The following BBS9 variants were observed in gnomAD, a reference collection of about 807,000 sequenced individuals.
BBS9 encodes Bardet-Biedl syndrome 9, also known as protein PTHB1.
BBS9 carries 89 observed loss-of-function variants against 117.7 expected under a neutral mutation model. The ratio of observed to expected loss-of-function variants is 0.76; its 90% CI spans 0.64 to 0.90. The LOEUF (loss-of-function observed/expected upper bound fraction) is 0.90, where lower values mean the gene tolerates loss of function less well. Ranked by LOEUF, BBS9 falls within the 40% of genes least tolerant of loss-of-function variation. BBS9 has a pLI of 0.00. For synonymous variants in BBS9, 379 were observed against 370.9 expected (o/e 1.02, Z -0.25); for missense variants, 982 against 1,042.2 (o/e 0.94, Z 0.80).
At chr7:33,157,019 G>A (rs905307742) in intron 4 of BBS9, among the ~76,000 whole-genome samples, 2 of 151,954 alleles carry the variant, frequency 1.3e-5, no homozygotes, top group African/African-American at 4.8e-5. Flanking sequence ...AAGCCATGGA[G>A]GAGAATTTGC....
At chr7:33,321,834 TATG>T (rs1456403060) in intron 9 of BBS9, among the ~76,000 whole-genome samples, 2 of 152,152 alleles carry the variant, frequency 1.3e-5, no homozygotes, top group Admixed American at 6.5e-5. Context: ...TCCCATTCAG[TATG>T]ATATTAGCTA....
intron 9 of BBS9, among the ~76,000 whole-genome samples, chr7:33,302,181 C>T (rs1346844385): frequency 1.3e-5 from 2 of 152,022 alleles, no homozygotes; most frequent in Non-Finnish European, 2.9e-5. Context: ...GTTTTAATCC[C>T]TTGTCAGAAG....
rs536029950 is a variant in BBS9 at position 33,281,223 on chromosome 7, G to GT, written c.1016+7275dup. Among the ~76,000 whole-genome samples the GT allele has an allele frequency of 1.9e-4, 28 of 150,642 alleles. 1 individual carries two copies. In the East Asian group the frequency reaches 2.7e-3, roughly 15 times the overall value. Reference sequence around the variant, plus strand: ...TAGTCAGCTTATATTCCTGATAGCTGTTTTTTTTGGTGAGTTAAAAAAATT... The same window carrying GT: ...TAGTCAGCTTATATTCCTGATAGCTGTTTTTTTTTGGTGAGTTAAAAAAATT... On this transcript the variant is annotated intron_variant, in intron 9 of 22. Transcript: ENST00000242067.
intron 21 of BBS9, among the ~76,000 whole-genome samples, chr7:33,616,720 T>C (rs1865158441): frequency 6.6e-6 from 1 of 151,848 alleles, no homozygotes; most frequent in Admixed American, 6.6e-5. Flanking sequence ...GTCTTTTCTT[T>C]TTATAGATTT....
At chr7:33,513,696 C>T (rs1847305602) in intron 20 of BBS9, among the ~76,000 whole-genome samples, 1 of 152,130 alleles carries the variant, frequency 6.6e-6, no homozygotes, top group African/African-American at 2.4e-5. Flanking sequence ...AGTCAAACCA[C>T]CATAAATAAA....
chr7:33,189,883 TAAAAAAAA>T (rs372582478), intron 5 of BBS9, among the ~76,000 whole-genome samples: 25 of 127,158 alleles, frequency 2.0e-4, no homozygotes, highest in Non-Finnish European at 3.6e-4. Flanking sequence ...GACTCTGTCT[TAAAAAAAA>T]AAAAAAAAAA....
intron 4 of BBS9, among the ~76,000 whole-genome samples, chr7:33,171,618 A>G (rs1796589213): frequency 6.6e-6 from 1 of 152,128 alleles, no homozygotes; most frequent in South Asian, 2.1e-4. Flanking sequence ...TTTTCTTCAA[A>G]TTATTGTTTT....
At position 33,446,826 on chromosome 7, in the gene BBS9, C is replaced by T. The variant is rs942985276; in HGVS notation, c.2116-58637C>T. On this transcript the variant is annotated intron_variant, in intron 19 of 22. Transcript: ENST00000242067. ...GTCTGAAGCACACCAATCCCCAATT[C>T]GATTCTGATGTTGAGCACTTCAGAG... is the stretch of plus-strand genomic sequence containing the variant. Among the ~76,000 whole-genome samples, 5 of 152,086 alleles carry T rather than the reference C, an allele frequency of 3.3e-5. No homozygotes were observed. The East Asian group carries it at 5.8e-4, about 18-fold the overall frequency.
At chr7:33,498,225 T>C (rs1173860935) in intron 19 of BBS9, among the ~76,000 whole-genome samples, 4 of 152,218 alleles carry the variant, frequency 2.6e-5, no homozygotes, top group Non-Finnish European at 5.9e-5. Flanking sequence ...CAATATGATA[T>C]GGCCATTAAT....
At chr7:33,271,779 T>C (rs1401844765) in intron 7 of BBS9, among the ~76,000 whole-genome samples, 2 of 152,172 alleles carry the variant, frequency 1.3e-5, no homozygotes, top group Non-Finnish European at 2.9e-5. Context: ...AACACCCCAC[T>C]GACCCTATGA....
chr7:33,583,782 C>T lies in BBS9; in HGVS notation c.2522-21083C>T, dbSNP rs1252636513. ...TTTGGTTGAGTTTGTATCATAGCTT[C>T]GCACTAACTAGCTGTGTGACCTTGG... On this transcript the variant is annotated intron_variant, in intron 21 of 22. Transcript: ENST00000242067. 2.0e-5 allele frequency among the ~76,000 whole-genome samples: 3 copies of T among 152,046 alleles called. 1 individual carries two copies. The highest frequency in any genetic ancestry group is 4.2e-4 in the South Asian group (2 of 4,816).
At chr7:33,596,182 GT>G (rs1469151642) in intron 21 of BBS9, among the ~76,000 whole-genome samples, 1 of 143,644 alleles carries the variant, frequency 7.0e-6, no homozygotes, top group Admixed American at 7.0e-5. Flanking sequence ...GGAACTTAAA[GT>G]AAAATAAAAA....
intron 21 of BBS9, among the ~76,000 whole-genome samples, chr7:33,559,611 C>T (rs566611045): frequency 5.9e-5 from 9 of 152,218 alleles, no homozygotes; most frequent in East Asian, 3.9e-4. Flanking sequence ...AACCACTATC[C>T]GTGTACTGAA....
At chr7:33,597,735 A>T (rs773756754) in intron 21 of BBS9, among the ~76,000 whole-genome samples, 1 of 152,064 alleles carries the variant, frequency 6.6e-6, no homozygotes, top group Non-Finnish European at 1.5e-5. Context: ...GGGAACCTGC[A>T]CTAGCTCTGG....
chr7:33,381,005 C>T (rs776393420), intron 17 of BBS9: 5 of 152,100 alleles, frequency 3.3e-5, no homozygotes, highest in Non-Finnish European at 5.9e-5. Context: ...TCTTTCACAC[C>T]GAGTTCTGCA....
intron 19 of BBS9, among the ~76,000 whole-genome samples, chr7:33,455,376 A>G (rs1450430779): frequency 1.3e-5 from 2 of 152,240 alleles, no homozygotes; most frequent in African/African-American, 4.8e-5. Flanking sequence ...GCTGTCCTTC[A>G]TAATTTTTTA....
chr7:33,334,082 T>C (rs1039538974), intron 9 of BBS9, among the ~76,000 whole-genome samples: 1 of 152,154 alleles, frequency 6.6e-6, no homozygotes, highest in Non-Finnish European at 1.5e-5. Context: ...TTTTAGAGAG[T>C]CTGAAGAAAT....
At chr7:33,618,322 G>T (rs1370337146) in intron 21 of BBS9, among the ~76,000 whole-genome samples, 1 of 151,580 alleles carries the variant, frequency 6.6e-6, no homozygotes, top group African/African-American at 2.4e-5. Flanking sequence ...TCCAGCCTGG[G>T]TGAAAGAGCA....
chr7:33,530,804 T>C (rs1850458494), intron 20 of BBS9, among the ~76,000 whole-genome samples: 1 of 152,184 alleles, frequency 6.6e-6, no homozygotes, highest in Non-Finnish European at 1.5e-5. Flanking sequence ...TTAAAATCAT[T>C]TACTTGTTTC....
Sources: gnomAD v4.1 joint callset for allele counts (sites outside exome capture counted in the v4.1 genomes callset) on GRCh38, gnomAD v4.1.1 for gene constraint, MANE v1.5 for transcripts, NCBI Gene and HGNC (gene_info 2026-07-23, HGNC 2026-07-21) for gene names.